PDE4D: variants seen among roughly 807,000 people sequenced by gnomAD.
The protein encoded by PDE4D is phosphodiesterase 4D.
Under a neutral mutation model 87.4 loss-of-function variants are expected in PDE4D, and 24 were observed. The ratio of observed to expected loss-of-function variants is 0.27; its 90% CI spans 0.20 to 0.39. The LOEUF is 0.39. PDE4D is among the 10% of genes least tolerant of loss of function. PDE4D has a pLI of 1.00. For synonymous variants in PDE4D, 384 were observed against 383.2 expected (o/e 1.00, Z -0.02); for missense variants, 714 against 1,041.0 (o/e 0.69, Z 4.32).
At position 59,133,631 on chromosome 5, in the gene PDE4D, C is replaced by T. The variant is rs139807634; in HGVS notation, c.808+46964G>A. Among the ~76,000 whole-genome samples, 15 of 152,280 alleles carry T rather than the reference C, an allele frequency of 9.9e-5. No individual in the cohort carries two copies. In the East Asian group the frequency reaches 2.7e-3, roughly 27 times the overall value. On this transcript the variant is annotated intron_variant, in intron 5 of 14. Transcript: ENST00000340635. Reference sequence around the variant, plus strand: ...GCCTCCCCAGGTCAGCTCTGCCCACCCTACCCCTTGGGCATAAGCCACTCT... The same window carrying T: ...GCCTCCCCAGGTCAGCTCTGCCCACTCTACCCCTTGGGCATAAGCCACTCT...
intron 3 of PDE4D, among the ~76,000 whole-genome samples, chr5:59,948,137 C>T (rs1757909050): frequency 6.6e-6 from 1 of 152,182 alleles, no homozygotes; most frequent in African/African-American, 2.4e-5. Flanking sequence ...AATAGTGCCA[C>T]TAATGTATTG....
At chr5:59,563,124 C>T (rs1316056218) in intron 1 of PDE4D, among the ~76,000 whole-genome samples, 1 of 152,166 alleles carries the variant, frequency 6.6e-6, no homozygotes, top group Non-Finnish European at 1.5e-5. Context: ...CTGGGCATTG[C>T]CAGGTCACCA....
chr5:59,770,723 CAA>C (rs143198266), intron 1 of PDE4D, among the ~76,000 whole-genome samples: 1 of 150,584 alleles, frequency 6.6e-6, no homozygotes, highest in African/African-American at 2.4e-5. Flanking sequence ...ACTGAAATGG[CAA>C]AAAAAAATAT....
intron 3 of PDE4D, among the ~76,000 whole-genome samples, chr5:59,976,278 G>A (rs1761321137): frequency 6.6e-6 from 1 of 152,118 alleles, no homozygotes; most frequent in South Asian, 2.1e-4. Context: ...TGCTTTGCTT[G>A]ATATGGTTTG....
chr5:59,775,636 C>T (rs919622561), intron 1 of PDE4D, among the ~76,000 whole-genome samples: 5 of 152,132 alleles, frequency 3.3e-5, no homozygotes, highest in African/African-American at 7.2e-5. Context: ...ATTTAGTGCA[C>T]GAAAGATCTT....
At chr5:60,406,593 C>G (rs1041858891) in intron 1 of PDE4D, among the ~76,000 whole-genome samples, 6 of 152,068 alleles carry the variant, frequency 3.9e-5, no homozygotes, top group Non-Finnish European at 8.8e-5. Flanking sequence ...TTCCTAAATT[C>G]CAGCTAAAAT....
chr5:59,472,245 A>G (rs900582313), intron 1 of PDE4D, among the ~76,000 whole-genome samples: 4 of 152,202 alleles, frequency 2.6e-5, no homozygotes, highest in Non-Finnish European at 5.9e-5. Flanking sequence ...GCATCCAATG[A>G]CAATCTTATT....
chr5:60,029,168 C>T (rs972216188), intron 2 of PDE4D, among the ~76,000 whole-genome samples: 12 of 152,118 alleles, frequency 7.9e-5, no homozygotes, highest in African/African-American at 2.9e-4. Flanking sequence ...GAAGTCAGGG[C>T]TTTTAGGGTA....
intron 1 of PDE4D, among the ~76,000 whole-genome samples, chr5:60,357,108 A>G (rs1433308770): frequency 6.6e-6 from 1 of 152,116 alleles, no homozygotes; most frequent in East Asian, 1.9e-4. Context: ...GCAGACAGAA[A>G]GGGCAAGGAG....
chr5:59,279,076 T>C (rs1765344665), intron 1 of PDE4D, among the ~76,000 whole-genome samples: 2 of 152,170 alleles, frequency 1.3e-5, no homozygotes, highest in African/African-American at 4.8e-5. Context: ...CTGCCTACTA[T>C]CAAATCTTCT....
At chr5:59,011,328 G>A (rs370915939) in intron 6 of PDE4D, among the ~76,000 whole-genome samples, 10 of 152,272 alleles carry the variant, frequency 6.6e-5, no homozygotes, top group African/African-American at 1.2e-4. Context: ...GGCTTCAGAC[G>A]ATGGGTAATA....
intron 1 of PDE4D, among the ~76,000 whole-genome samples, chr5:59,312,727 C>G (rs1051365540): frequency 6.6e-6 from 1 of 152,150 alleles, no homozygotes; most frequent in African/African-American, 2.4e-5. Flanking sequence ...CACAAATCCT[C>G]AAATTAGCCT....
intron 1 of PDE4D, among the ~76,000 whole-genome samples, chr5:59,544,379 C>T (rs1240646580): frequency 6.6e-6 from 1 of 152,160 alleles, no homozygotes. Context: ...GGAAAAGGAG[C>T]TCCTCATCGA....
rs1413308053 is a variant in PDE4D at position 58,991,927 on chromosome 5, T to G, written c.1093A>C (p.Ser365Arg). 2 of 1,606,018 alleles carry G rather than the reference T, an allele frequency of 1.2e-6. No homozygotes were observed. The highest frequency in any genetic ancestry group is 1.7e-5 in the Admixed American group (1 of 59,196). Residue 365 changes from serine (S) to arginine (R), a missense_variant, in exon 8 of 15, where the codon AGT becomes CGT. Physicochemically the swap from Ser to Arg is moderately radical, Grantham distance 110. Around this residue, in one of 7 missense-constraint regions of PDE4D, gnomAD observed 141 missense variants for 204.3 expected, o/e 0.69. Coordinates refer to ENST00000340635, the MANE Select transcript of PDE4D (RefSeq NM_001104631.2). ...CTGTGCATCAATTTCTTGACTCCACTGATCTGAGACATTGGTCTTTTCTTT... is the reference window on the plus strand; with the variant it reads ...CTGTGCATCAATTTCTTGACTCCACGGATCTGAGACATTGGTCTTTTCTTT... ...EKKKRPMSQISGVKKLMHSSS... is the reference protein window; with the variant it reads ...EKKKRPMSQIRGVKKLMHSSS...
At chr5:59,439,795 G>A (rs1797323761) in intron 1 of PDE4D, among the ~76,000 whole-genome samples, 1 of 152,132 alleles carries the variant, frequency 6.6e-6, no homozygotes, top group Non-Finnish European at 1.5e-5. Context: ...CTGAGAGGCT[G>A]GTCTTCCTGT....
intron 1 of PDE4D, among the ~76,000 whole-genome samples, chr5:59,234,892 A>G (rs1020670296): frequency 1.3e-5 from 2 of 149,226 alleles, no homozygotes; most frequent in Non-Finnish European, 3.0e-5. Context: ...CATGAAACTC[A>G]AATCGAGTTT....
chr5:59,641,502 G>A (rs298033), intron 1 of PDE4D, among the ~76,000 whole-genome samples: 120,377 of 152,120 alleles, frequency 0.79, 47,720 homozygotes, highest in South Asian at 0.93. Flanking sequence ...CTTTTCTATA[G>A]ATCTAACTTT....
intron 2 of PDE4D, among the ~76,000 whole-genome samples, chr5:60,073,731 A>G (rs1314617713): frequency 2.6e-5 from 4 of 151,808 alleles, no homozygotes; most frequent in Admixed American, 1.3e-4. Flanking sequence ...TAGGGATTCA[A>G]TTTCTTCCTG....
chr5:60,014,695 T>G lies in PDE4D; in HGVS notation c.43-25978A>C, dbSNP rs530984370. Reference sequence around the variant, plus strand: ...CCCAATGGAATGGAATATAACTGGATACATTAGAAAATTACAAAGTTTAAA... The same window carrying G: ...CCCAATGGAATGGAATATAACTGGAGACATTAGAAAATTACAAAGTTTAAA... On this transcript the variant is annotated intron_variant, in intron 2 of 16. Transcript: ENST00000502484. Among the ~76,000 whole-genome samples, 5 of 152,304 alleles carry G rather than the reference T, an allele frequency of 3.3e-5. No individual in the cohort carries two copies. In the East Asian group the frequency reaches 7.7e-4, roughly 23 times the overall value.
Sources: allele counts gnomAD v4.1 joint callset (sites outside exome capture counted in the v4.1 genomes callset), GRCh38; gene constraint gnomAD v4.1.1; regional missense constraint gnomAD v4.1.1; transcripts MANE v1.5; gene names NCBI Gene and HGNC (gene_info 2026-07-23, HGNC 2026-07-21).